The following TSC22D3 variants were observed in gnomAD, a reference collection of about 807,000 sequenced individuals.
The protein encoded by TSC22D3 is TSC22 domain family protein 3.
In TSC22D3, 4 loss-of-function variants were observed where a neutral mutation model predicts 11.1. The ratio of observed to expected loss-of-function variants is 0.36; its 90% CI spans 0.18 to 0.83. TSC22D3 has a LOEUF of 0.83. TSC22D3 is among the 40% of genes least tolerant of loss of function. The pLI is 0.48. For missense variants in TSC22D3, 118 were observed against 159.4 expected (o/e 0.74, Z 1.40); for synonymous variants, 77 against 70.3 (o/e 1.10, Z -0.48).
At position 107,714,415 on chromosome X, in the gene TSC22D3, G is replaced by A. The variant is rs773909537; in HGVS notation, c.*104C>T. Reference sequence around the variant, plus strand: ...TCTCTTGGCACCAGCTGTGCTAGGTGTAAAGTTCTCCTCGTGAGATGATGC... The same window carrying A: ...TCTCTTGGCACCAGCTGTGCTAGGTATAAAGTTCTCCTCGTGAGATGATGC... On this transcript the variant is annotated 3_prime_UTR_variant, in exon 3 of 3. Coordinates refer to ENST00000372383, the MANE Select transcript of TSC22D3 (RefSeq NM_198057.3). 4.0e-6 allele frequency: 3 copies of A among 757,569 alleles called. No homozygotes were observed. The Admixed American group carries it at 1.1e-4, about 27-fold the overall frequency. The allele number at this position is 757,569 out of a possible 1,213,427, so 62.4% of individuals were successfully genotyped here.
In TSC22D3 at chrX:107,760,406, G is replaced by A. The variant is rs142751630; in HGVS notation, c.320+14694C>T. Among the ~76,000 whole-genome samples the A allele has an allele frequency of 1.8e-3, 205 of 112,944 alleles. 1 individual carries two copies. The highest frequency in any genetic ancestry group is 2.7e-3 in the Non-Finnish European group (143 of 53,339). On this transcript the variant is annotated intron_variant, in intron 1 of 2. Coordinates refer to ENST00000372383, the MANE Select transcript of TSC22D3 (RefSeq NM_198057.3). The stretch of plus-strand genomic sequence containing the variant: ...CACAGCCGTCTAGAGACGAGAAGTC[G>A]GAAGATCATTGGATCAGAAAATCAG...
chrX:107,716,654 G>C lies in TSC22D3; in HGVS notation c.321-704C>G, dbSNP rs749440591. ...CTAGCCCAGCTCCGGCCGGCGCCCC[G>C]GCTCGGGAGGCGCCGGAGCTGGGGC... On this transcript the variant is annotated intron_variant, in intron 1 of 2. Coordinates refer to ENST00000372383, the MANE Select transcript of TSC22D3 (RefSeq NM_198057.3). 1.1e-5 allele frequency: 12 copies of C among 1,068,680 alleles called. No individual in the cohort carries two copies. The East Asian group carries it at 2.2e-4, about 20-fold the overall frequency. 88.1% of individuals were successfully genotyped at this position (1,068,680 alleles called of 1,213,427 possible). A position where few individuals can be genotyped will look rare whatever the true frequency, so the allele number is the denominator to read the frequency against.
chrX:107,772,096 T>C (rs1234407103), intron 1 of TSC22D3, among the ~76,000 whole-genome samples: 1 of 112,121 alleles, frequency 8.9e-6, no homozygotes, highest in Non-Finnish European at 1.9e-5. Flanking sequence ...GCTTATACTC[T>C]TGTGTTCCAA....
intron 2 of TSC22D3, among the ~76,000 whole-genome samples, chrX:107,715,605 C>T (rs1327071533): frequency 1.8e-5 from 2 of 112,178 alleles, no homozygotes; most frequent in East Asian, 5.6e-4. Flanking sequence ...CACACAAATG[C>T]AAGAGTCTGA....
intron 1 of TSC22D3, among the ~76,000 whole-genome samples, chrX:107,745,182 G>T (rs965760139): frequency 8.1e-5 from 9 of 111,630 alleles, no homozygotes; most frequent in African/African-American, 2.3e-4. Context: ...TTGGGACAAG[G>T]GTGGGGTGCC....
intron 1 of TSC22D3, among the ~76,000 whole-genome samples, chrX:107,729,922 G>A (rs1301168598): frequency 3.5e-5 from 4 of 112,680 alleles, no homozygotes; most frequent in Non-Finnish European, 5.6e-5. Context: ...CCCCGCAGGT[G>A]GGCCTTGCTT....
At chrX:107,747,256 T>C (rs962367644) in intron 1 of TSC22D3, among the ~76,000 whole-genome samples, 1 of 112,688 alleles carries the variant, frequency 8.9e-6, no homozygotes, top group Non-Finnish European at 1.9e-5. Flanking sequence ...GTCCCCCTTA[T>C]CACACACGCC....
intron 1 of TSC22D3, among the ~76,000 whole-genome samples, chrX:107,770,561 T>C (rs1161650074): frequency 8.9e-6 from 1 of 111,904 alleles, no homozygotes; most frequent in African/African-American, 3.3e-5. Context: ...TGGGAACCAG[T>C]TGGGGCCAGG....
At chrX:107,736,101 C>T (rs1928123346) in intron 1 of TSC22D3, among the ~76,000 whole-genome samples, 2 of 112,059 alleles carry the variant, frequency 1.8e-5, no homozygotes, top group Non-Finnish European at 3.8e-5. Flanking sequence ...GGCTCGCCAG[C>T]CACCATCACC....
intron 1 of TSC22D3, among the ~76,000 whole-genome samples, chrX:107,753,917 CTT>C (rs34538477): frequency 4.1e-5 from 4 of 97,872 alleles, no homozygotes; most frequent in Non-Finnish European, 2.1e-5. Context: ...TTCTTTCTTC[CTT>C]TTTTTTTTTT....
intron 1 of TSC22D3, among the ~76,000 whole-genome samples, chrX:107,719,164 AC>A (rs1238696661): frequency 8.9e-6 from 1 of 111,884 alleles, no homozygotes; most frequent in Non-Finnish European, 1.9e-5. Flanking sequence ...GAAAAACACC[AC>A]CAGGAAAACA....
chrX:107,734,776 TAAC>T (rs1326754123), intron 1 of TSC22D3, among the ~76,000 whole-genome samples: 1 of 102,015 alleles, frequency 9.8e-6, no homozygotes, highest in East Asian at 3.1e-4. Flanking sequence ...GTAAGAGTAA[TAAC>T]AATAATAATA....
At chrX:107,747,035 T>C (rs1218156360) in intron 1 of TSC22D3, among the ~76,000 whole-genome samples, 2 of 113,138 alleles carry the variant, frequency 1.8e-5, no homozygotes, top group African/African-American at 3.2e-5. Flanking sequence ...AGTCCTGCTA[T>C]GCTAGCTGAC....
At chrX:107,720,173 C>A (rs1927253305) in intron 1 of TSC22D3, among the ~76,000 whole-genome samples, 1 of 103,649 alleles carries the variant, frequency 9.6e-6, no homozygotes, top group Non-Finnish European at 2.0e-5. Context: ...AATAAGAAAA[C>A]AAGTTCGTAT....
chrX:107,716,619 G>C, intron 1 of TSC22D3: 1 of 1,024,094 alleles, frequency 9.8e-7, no homozygotes, highest in East Asian at 4.7e-5. Flanking sequence ...CTCGCTCAGA[G>C]ACCGGGCTCC....
In TSC22D3 at chrX:107,775,389, G is replaced by A; in HGVS notation, c.31C>T (p.Pro11Ser). Residue 11 changes from proline (P) to serine (S), a missense_variant, in exon 1 of 3, where the codon CCT becomes TCT. Transcript: ENST00000372383. Reference sequence around the variant, plus strand: ...CAGTTGCAGCAGTCGAGGCCGACAGGTGAGCGGCAATCGAGCTTGGACTGG... The same window carrying A: ...CAGTTGCAGCAGTCGAGGCCGACAGATGAGCGGCAATCGAGCTTGGACTGG... MAQSKLDCRSPVGLDCCNCCL... is the reference protein window; with the variant it reads MAQSKLDCRSSVGLDCCNCCL... The A allele has an allele frequency of 8.3e-7, 1 of 1,197,849 alleles. No individual in the cohort carries two copies.
chrX:107,716,354 A>G, intron 1 of TSC22D3: 2 of 911,423 alleles, frequency 2.2e-6, no homozygotes, highest in Non-Finnish European at 2.7e-6. Flanking sequence ...CTCGGCTGGT[A>G]AGCTTCCGGC....
intron 1 of TSC22D3, among the ~76,000 whole-genome samples, chrX:107,773,127 T>C (rs1336493936): frequency 8.9e-6 from 1 of 112,546 alleles, no homozygotes; most frequent in Non-Finnish European, 1.9e-5. Flanking sequence ...ATTTCCAGGC[T>C]TTGCCTAAAA....
intron 2 of TSC22D3, among the ~76,000 whole-genome samples, chrX:107,715,416 C>T (rs1215536651): frequency 8.9e-6 from 1 of 112,330 alleles, no homozygotes; most frequent in African/African-American, 3.2e-5. Context: ...GAAGCCCTAA[C>T]CCTCTGCAGC....
Sources: allele counts gnomAD v4.1 joint callset (sites outside exome capture counted in the v4.1 genomes callset), GRCh38; gene constraint gnomAD v4.1.1; transcripts MANE v1.5; gene names NCBI Gene and HGNC (gene_info 2026-07-23, HGNC 2026-07-21).